Variants in ZNF423 observed in about 807,000 individuals in gnomAD.
ZNF423 encodes zinc finger protein 423, also known as Ebf-associated zinc finger protein.
In ZNF423, 12 loss-of-function variants were observed where a neutral mutation model predicts 95.8. The ratio of observed to expected loss-of-function variants is 0.13; its 90% CI spans 0.08 to 0.20. The LOEUF (loss-of-function observed/expected upper bound fraction) is 0.20, where lower values mean the gene tolerates loss of function less well. Among genes scored for constraint, ZNF423 ranks in the 10% least tolerant of loss-of-function variants. The pLI, the probability that ZNF423 is intolerant of heterozygous loss-of-function variation, is 1.00. For synonymous variants in ZNF423, 749 were observed against 711.9 expected, an observed-to-expected ratio of 1.05 and a Z score of -0.83; for missense variants, 1,316 against 1,737.1, an observed-to-expected ratio of 0.76 and a Z score of 4.31.
intron 3 of ZNF423, among the ~76,000 whole-genome samples, chr16:49,715,458 G>A (rs536446591): frequency 6.6e-5 from 10 of 152,352 alleles, no homozygotes; most frequent in African/African-American, 2.4e-4. Flanking sequence ...AGGAGGAACT[G>A]AGGCCGGGCA....
At chr16:49,701,378 A>G (rs944621297) in intron 3 of ZNF423, among the ~76,000 whole-genome samples, 4 of 152,180 alleles carry the variant, frequency 2.6e-5, no homozygotes, top group African/African-American at 4.8e-5. Flanking sequence ...GGCCCCAACC[A>G]GCGACGAGGA....
Position 49,773,396 on chromosome 16 carries a change from G to A in ZNF423, c.100+16091C>T, listed in dbSNP as rs977342107. Among the ~76,000 whole-genome samples, 12 of 152,144 alleles carry A rather than the reference G, an allele frequency of 7.9e-5. No individual in the cohort carries two copies. The South Asian group carries it at 8.3e-4, about 11-fold the overall frequency. On this transcript the variant is annotated intron_variant, in intron 2 of 7. Coordinates refer to ENST00000563137, the MANE Select transcript of ZNF423 (RefSeq NM_001379286.1). ...TCACTCACTGTCACGAGAACAGCAC[G>A]GGGGAGACTGCCCTCATGATTCAAT...
intron 5 of ZNF423, among the ~76,000 whole-genome samples, chr16:49,527,472 G>A (rs1480981462): frequency 6.6e-6 from 1 of 152,064 alleles, no homozygotes; most frequent in Non-Finnish European, 1.5e-5. Context: ...ACCCCCCAAT[G>A]CATCCCCTGC....
chr16:49,604,353 G>A (rs771407510), intron 5 of ZNF423, among the ~76,000 whole-genome samples: 5 of 152,094 alleles, frequency 3.3e-5, no homozygotes, highest in African/African-American at 4.8e-5. Flanking sequence ...CCTAGCCCTG[G>A]TAGTGGCACA....
intron 3 of ZNF423, among the ~76,000 whole-genome samples, chr16:49,677,489 A>AG (rs2031163569): frequency 6.6e-6 from 1 of 151,804 alleles, no homozygotes; most frequent in Admixed American, 6.6e-5. Context: ...AGGAAAGGAA[A>AG]GAAAAGAAAA....
chr16:49,804,898 T>TC (rs1353668931), intron 1 of ZNF423, among the ~76,000 whole-genome samples: 3 of 146,382 alleles, frequency 2.0e-5, no homozygotes, highest in Non-Finnish European at 4.5e-5. Flanking sequence ...CAGCTTTTTT[T>TC]TTTTTTTTTT....
intron 1 of ZNF423, among the ~76,000 whole-genome samples, chr16:49,837,150 C>T (rs887115906): frequency 7.2e-5 from 11 of 152,140 alleles, no homozygotes. Context: ...TCTCCCTCCA[C>T]CTCCCACCCC....
intron 2 of ZNF423, among the ~76,000 whole-genome samples, chr16:49,773,250 C>A (rs1440940450): frequency 6.6e-6 from 1 of 151,952 alleles, no homozygotes; most frequent in Non-Finnish European, 1.5e-5. Flanking sequence ...ACCCAGGAGG[C>A]GAAAATTGCA....
intron 5 of ZNF423, among the ~76,000 whole-genome samples, chr16:49,615,227 G>A (rs1371155687): frequency 6.6e-6 from 1 of 152,140 alleles, no homozygotes; most frequent in Non-Finnish European, 1.5e-5. Flanking sequence ...GGCGTGGAGA[G>A]GGTGCAGGGT....
intron 3 of ZNF423, chr16:49,664,093 T>G (rs962238426): frequency 1.0e-6 from 1 of 985,438 alleles, no homozygotes; most frequent in Non-Finnish European, 1.2e-6. Flanking sequence ...CCGCTTACCT[T>G]TCCCCCTGCT....
At chr16:49,816,862 G>C (rs955382905) in intron 1 of ZNF423, among the ~76,000 whole-genome samples, 8 of 152,126 alleles carry the variant, frequency 5.3e-5, no homozygotes, top group Admixed American at 1.3e-4. Context: ...TTCAGTCCTG[G>C]AAAAACAAAG....
At chr16:49,631,800 A>T (rs940539500) in intron 4 of ZNF423, among the ~76,000 whole-genome samples, 2 of 152,230 alleles carry the variant, frequency 1.3e-5, no homozygotes, top group Non-Finnish European at 2.9e-5. Flanking sequence ...TGTGGGCAGC[A>T]TTTATGCTAA....
intron 5 of ZNF423, among the ~76,000 whole-genome samples, chr16:49,589,044 CCCT>C (rs1970927266): frequency 6.6e-6 from 1 of 152,214 alleles, no homozygotes; most frequent in African/African-American, 2.4e-5. Context: ...TCCCCAGCAG[CCCT>C]CCTCTGTCAA....
At chr16:49,535,770 A>C (rs1969037166) in intron 5 of ZNF423, among the ~76,000 whole-genome samples, 1 of 152,200 alleles carries the variant, frequency 6.6e-6, no homozygotes, top group Admixed American at 6.5e-5. Flanking sequence ...CTGGGGATCC[A>C]CTAGGTAAAA....
At chr16:49,730,609 A>T in intron 3 of ZNF423, 162 bp downstream of exon 3, 1 of 739,608 alleles carries the variant, frequency 1.4e-6, no homozygotes, top group African/African-American at 1.8e-5. Flanking sequence ...TTTTAATTGT[A>T]TTTAAAAGGC....
chr16:49,672,750 G>A (rs748777162), intron 3 of ZNF423, among the ~76,000 whole-genome samples: 4 of 152,140 alleles, frequency 2.6e-5, no homozygotes, highest in Non-Finnish European at 5.9e-5. Context: ...CCCAGGCAAC[G>A]GAGGTTGCAC....
In ZNF423 at chr16:49,597,667, G is replaced by A. The variant is rs776511994; in HGVS notation, c.3601+28503C>T. Among the ~76,000 whole-genome samples, 29 of 152,036 alleles carry A rather than the reference G, an allele frequency of 1.9e-4. No homozygotes were observed. In the East Asian group the frequency reaches 1.9e-3, roughly 10 times the overall value. ...CCTGGTGTCCATGCATGTCGGTGCC[G>A]TTCTCTTAGGTACCGTGTAAATGGG... On this transcript the variant is annotated intron_variant, in intron 5 of 7. Coordinates refer to ENST00000563137, the MANE Select transcript of ZNF423 (RefSeq NM_001379286.1).
At chr16:49,742,054 A>T (rs2033424907) in intron 2 of ZNF423, among the ~76,000 whole-genome samples, 1 of 152,214 alleles carries the variant, frequency 6.6e-6, no homozygotes, top group Non-Finnish European at 1.5e-5. Context: ...CTGAGCACCT[A>T]CTATGTGCCA....
chr16:49,724,394 A>G (rs2032950218), intron 3 of ZNF423, among the ~76,000 whole-genome samples: 1 of 147,466 alleles, frequency 6.8e-6, no homozygotes, highest in Non-Finnish European at 1.5e-5. Flanking sequence ...ATGTGAAGTC[A>G]ACTGACACCA....
Sources: gnomAD v4.1 joint callset for allele counts (sites outside exome capture counted in the v4.1 genomes callset) on GRCh38, gnomAD v4.1.1 for gene constraint, MANE v1.5 for transcripts, NCBI Gene and HGNC (gene_info 2026-07-23, HGNC 2026-07-21) for gene names.